HDAC9: variants seen among roughly 807,000 people sequenced by gnomAD.
HDAC9 encodes histone deacetylase 9.
HDAC9 carries 41 observed loss-of-function variants against 139.4 expected under a neutral mutation model. The observed-to-expected ratio is 0.29, with a 90% confidence interval of 0.23 to 0.38. The LOEUF (loss-of-function observed/expected upper bound fraction) is 0.38, where lower values mean the gene tolerates loss of function less well. Among genes scored for constraint, HDAC9 ranks in the 10% least tolerant of loss-of-function variants. The pLI is 1.00. For synonymous variants in HDAC9, 517 were observed against 476.2 expected, an observed-to-expected ratio of 1.09 and a Z score of -1.12; for missense variants, 1,147 against 1,297.0, an observed-to-expected ratio of 0.88 and a Z score of 1.78.
At chr7:18,715,664 C>G (rs927513910) in intron 12 of HDAC9, among the ~76,000 whole-genome samples, 1 of 151,754 alleles carries the variant, frequency 6.6e-6, no homozygotes, top group African/African-American at 2.4e-5. Flanking sequence ...ATGTCTGAAC[C>G]CATGGGTTTT....
At chr7:18,318,499 A>C (rs1284616499) in intron 1 of HDAC9, among the ~76,000 whole-genome samples, 1 of 152,178 alleles carries the variant, frequency 6.6e-6, no homozygotes. Flanking sequence ...GGAGATGGTG[A>C]AAATATTTAG....
intron 1 of HDAC9, among the ~76,000 whole-genome samples, chr7:18,485,431 T>C (rs953934885): frequency 8.6e-5 from 13 of 150,632 alleles, no homozygotes; most frequent in Non-Finnish European, 1.3e-4. Context: ...ATTCTAACTT[T>C]TCATATTTAA....
intron 21 of HDAC9, among the ~76,000 whole-genome samples, chr7:18,862,588 T>C (rs1273510470): frequency 6.6e-6 from 1 of 152,174 alleles, no homozygotes; most frequent in Non-Finnish European, 1.5e-5. Context: ...TTGAAGACTT[T>C]TGGAGAAACC....
intron 22 of HDAC9, 33 bp from the exon 23 acceptor site, chr7:18,935,776 A>G: frequency 1.3e-6 from 2 of 1,598,372 alleles, no homozygotes; most frequent in African/African-American, 1.3e-5. Flanking sequence ...TCTTGATTTA[A>G]TACTTTGAAA....
At chr7:18,959,927 T>G (rs1043997629) in intron 24 of HDAC9, among the ~76,000 whole-genome samples, 1 of 152,044 alleles carries the variant, frequency 6.6e-6, no homozygotes, top group Admixed American at 6.6e-5. Flanking sequence ...TCTTGTCAAA[T>G]GTGTTTTACA....
At chr7:18,244,994 C>CCTCTATCTATCTATCTATCT (rs71553924) in intron 2 of HDAC9, among the ~76,000 whole-genome samples, 31,600 of 147,786 alleles carry the variant, frequency 0.21, 3,712 homozygotes, top group South Asian at 0.24. Flanking sequence ...ATCTAATCTG[C>CCTCTATCTATCTATCTATCT]ATCTATCTAT....
chr7:18,936,288 A>G (rs1024516497), intron 23 of HDAC9, among the ~76,000 whole-genome samples: 15 of 96,432 alleles, frequency 1.6e-4, no homozygotes, highest in South Asian at 6.7e-4. Context: ...TATTTCTGGG[A>G]AAAAAAAACT....
intron 22 of HDAC9, chr7:18,906,790 C>T (rs1346311867): frequency 6.6e-6 from 1 of 152,226 alleles, no homozygotes; most frequent in African/African-American, 2.4e-5. Flanking sequence ...TACAATCCAC[C>T]TGTTCTTTAT....
intron 1 of HDAC9, among the ~76,000 whole-genome samples, chr7:18,346,863 T>C (rs1314058631): frequency 6.6e-6 from 1 of 152,150 alleles, no homozygotes; most frequent in Non-Finnish European, 1.5e-5. Context: ...TGCAGGTCAT[T>C]TTTCTTCATC....
intron 17 of HDAC9, among the ~76,000 whole-genome samples, chr7:18,811,927 G>A (rs986540725): frequency 6.6e-6 from 1 of 151,470 alleles, no homozygotes; most frequent in Non-Finnish European, 1.5e-5. Context: ...TATTCACAGG[G>A]GATTGGTTTT....
intron 2 of HDAC9, among the ~76,000 whole-genome samples, chr7:18,271,362 A>T (rs1028832023): frequency 6.6e-6 from 1 of 152,176 alleles, no homozygotes; most frequent in Non-Finnish European, 1.5e-5. Context: ...TTGCCTAAGC[A>T]CACATTAGAT....
intron 12 of HDAC9, among the ~76,000 whole-genome samples, chr7:18,683,008 A>G (rs986606022): frequency 1.3e-5 from 2 of 151,904 alleles, no homozygotes; most frequent in Admixed American, 1.3e-4. Context: ...TTTAAAGACA[A>G]TTTATTTGTT....
At chr7:18,915,485 C>T (rs145182562) in intron 22 of HDAC9, among the ~76,000 whole-genome samples, 2 of 151,266 alleles carry the variant, frequency 1.3e-5, no homozygotes, top group Non-Finnish European at 2.9e-5. Flanking sequence ...TAGCTAAGGT[C>T]GAGCTTAAAG....
intron 13 of HDAC9, among the ~76,000 whole-genome samples, chr7:18,736,040 G>A (rs986778683): frequency 6.6e-6 from 1 of 152,112 alleles, no homozygotes; most frequent in East Asian, 1.9e-4. Flanking sequence ...CTGTTTGTCT[G>A]TTATTGGTAT....
Position 18,482,323 on chromosome 7 carries a change from C to T in HDAC9, c.-41-13939C>T, listed in dbSNP as rs113714162. Among the ~76,000 whole-genome samples, 1,148 of 126,266 alleles carry T rather than the reference C, an allele frequency of 9.1e-3. 19 individuals carry two copies. The highest frequency in any genetic ancestry group is 0.033 in the African/African-American group (1,085 of 32,930). 82.8% of individuals were successfully genotyped at this position (126,266 alleles called of 152,430 possible). ...GCTTGAGAGGTTGAGACAGGAGAAT[C>T]ACTTCAGCCTAGGAGTTTGAGACCA... is the stretch of plus-strand genomic sequence containing the variant. On this transcript the variant is annotated intron_variant, in intron 1 of 3. Coordinates refer to the HDAC9 transcript ENST00000413509.
chr7:18,351,797 G>T (rs1585312342), intron 1 of HDAC9, among the ~76,000 whole-genome samples: 1 of 151,996 alleles, frequency 6.6e-6, no homozygotes, highest in Non-Finnish European at 1.5e-5. Context: ...ATTTTGTCAA[G>T]AACTTTTAAA....
chr7:18,274,444 T>C (rs1562822928), intron 2 of HDAC9, among the ~76,000 whole-genome samples: 1 of 152,114 alleles, frequency 6.6e-6, no homozygotes, highest in Non-Finnish European at 1.5e-5. Context: ...AATGAATCCA[T>C]TCTTGAAAGG....
intron 1 of HDAC9, among the ~76,000 whole-genome samples, chr7:18,314,922 T>C (rs1799538070): frequency 6.6e-6 from 1 of 152,196 alleles, no homozygotes; most frequent in Non-Finnish European, 1.5e-5. Flanking sequence ...GTTAAGTAGT[T>C]AATATGAGCA....
At chr7:18,777,513 G>A (rs79579491) in intron 16 of HDAC9, among the ~76,000 whole-genome samples, 51 of 152,042 alleles carry the variant, frequency 3.4e-4, no homozygotes, top group African/African-American at 1.1e-3. Context: ...TAATGATGAC[G>A]TCTCAATTTC....
Sources: gnomAD v4.1 joint callset for allele counts (sites outside exome capture counted in the v4.1 genomes callset) on GRCh38, gnomAD v4.1.1 for gene constraint, MANE v1.5 for transcripts, NCBI Gene and HGNC (gene_info 2026-07-23, HGNC 2026-07-21) for gene names.